Variants in HDAC4 observed in about 807,000 individuals in gnomAD.
HDAC4 encodes histone deacetylase A.
A neutral mutation model predicts 135.1 loss-of-function variants in HDAC4; 16 were observed. That is an observed-to-expected ratio of 0.12 (90% CI 0.08 to 0.18). The LOEUF (loss-of-function observed/expected upper bound fraction) is 0.18. HDAC4 is among the 10% of genes least tolerant of loss of function. The pLI is 1.00. For missense variants in HDAC4, 1,143 were observed against 1,511.8 expected (o/e 0.76, Z 4.05); for synonymous variants, 685 against 653.4 (o/e 1.05, Z -0.74).
intron 1 of HDAC4, among the ~76,000 whole-genome samples, chr2:239,372,084 G>A (rs1220021941): frequency 6.6e-6 from 1 of 152,200 alleles, no homozygotes; most frequent in African/African-American, 2.4e-5. Flanking sequence ...TCTCTCCAAC[G>A]AGGGCAGTAG....
chr2:239,319,790 G>GA (rs2053245437), intron 2 of HDAC4, among the ~76,000 whole-genome samples: 1 of 152,152 alleles, frequency 6.6e-6, no homozygotes, highest in African/African-American at 2.4e-5. Flanking sequence ...GCCTGAAAAA[G>GA]AACCCACGAA....
At position 239,307,914 on chromosome 2, in the gene HDAC4, C is replaced by G. The variant is rs1390850060; in HGVS notation, c.22+44764G>C. On this transcript the variant is annotated intron_variant, in intron 2 of 26. Transcript: ENST00000543185. This position sits in a 1 kb window ranked among gnomAD's most constrained non-coding sequence, Gnocchi z 4.8. ...ACGTTTTGCCACTATCTCAGAATTCCTGATCTCCACCTGAAAACGGAACAC... is the reference window on the plus strand; with the variant it reads ...ACGTTTTGCCACTATCTCAGAATTCGTGATCTCCACCTGAAAACGGAACAC... 1.3e-5 allele frequency among the ~76,000 whole-genome samples: 2 copies of G among 152,184 alleles called. No homozygotes were observed. The highest frequency in any genetic ancestry group is 4.8e-5 in the African/African-American group (2 of 41,432).
rs1205237053 is a variant in HDAC4, at chr2:239,352,837, C to T, written c.-138G>A. On this transcript the variant is annotated 5_prime_UTR_variant, in exon 2 of 27. Coordinates refer to ENST00000543185, the MANE Select transcript of HDAC4 (RefSeq NM_001378414.1). The surrounding 1 kb of genome is among the most constrained non-coding windows in gnomAD (Gnocchi z 4.4). Reference sequence around the variant, plus strand: ...GAGGGCTGGGTCACAGACGTTCAAGCGCCGAGCCTCGCCGGCAAGGTCTCA... The same window carrying T: ...GAGGGCTGGGTCACAGACGTTCAAGTGCCGAGCCTCGCCGGCAAGGTCTCA... 8 of 846,710 alleles carry T rather than the reference C, an allele frequency of 9.4e-6. No individual in the cohort carries two copies. The highest frequency in any genetic ancestry group is 5.8e-5 in the South Asian group (4 of 69,354). 52.4% of individuals were successfully genotyped at this position (846,710 alleles called of 1,614,324 possible).
intron 2 of HDAC4, among the ~76,000 whole-genome samples, chr2:239,268,307 C>T (rs2049864763): frequency 6.6e-6 from 1 of 152,168 alleles, no homozygotes; most frequent in Admixed American, 6.5e-5. Flanking sequence ...CCTAGGCAGG[C>T]CTGTCCTGGA....
At chr2:239,304,466 C>T (rs987765947) in intron 2 of HDAC4, among the ~76,000 whole-genome samples, 1 of 152,142 alleles carries the variant, frequency 6.6e-6, no homozygotes. Context: ...GAACTCAGAG[C>T]CCCCATGAGG....
At chr2:239,379,432 C>A (rs1163515622) in intron 1 of HDAC4, among the ~76,000 whole-genome samples, 1 of 152,186 alleles carries the variant, frequency 6.6e-6, no homozygotes, top group Non-Finnish European at 1.5e-5. Flanking sequence ...CCACTGCCCT[C>A]TTCTGCCTGT....
intron 2 of HDAC4, among the ~76,000 whole-genome samples, chr2:239,251,672 C>T (rs1313136430): frequency 6.6e-6 from 1 of 152,076 alleles, no homozygotes; most frequent in Non-Finnish European, 1.5e-5. Context: ...TTGAGATGCC[C>T]CAATCTACCT....
At chr2:239,254,057 G>A (rs2048927957) in intron 2 of HDAC4, among the ~76,000 whole-genome samples, 1 of 152,184 alleles carries the variant, frequency 6.6e-6, no homozygotes, top group Non-Finnish European at 1.5e-5. Context: ...CCCTAAACCT[G>A]GGTCCCTGTG....
chr2:239,112,377 C>T (rs2038756277), intron 13 of HDAC4, among the ~76,000 whole-genome samples: 1 of 152,236 alleles, frequency 6.6e-6, no homozygotes, highest in East Asian at 1.9e-4. Context: ...AAAGTGCCAA[C>T]TGGGCTTCAT....
intron 2 of HDAC4, among the ~76,000 whole-genome samples, chr2:239,327,851 T>G (rs1316700472): frequency 6.6e-6 from 1 of 152,232 alleles, no homozygotes; most frequent in African/African-American, 2.4e-5. Flanking sequence ...CACTGCTCCC[T>G]GCAAGCTAAC....
chr2:239,195,162 A>G (rs3791576), intron 3 of HDAC4, among the ~76,000 whole-genome samples: 2,359 of 152,242 alleles, frequency 0.015, 81 homozygotes, highest in East Asian at 0.13. Flanking sequence ...CACCTCCTGC[A>G]TTTTCACTCA....
At chr2:239,328,488 C>A (rs1282078657) in intron 2 of HDAC4, among the ~76,000 whole-genome samples, 2 of 152,210 alleles carry the variant, frequency 1.3e-5, no homozygotes, top group African/African-American at 2.4e-5. Flanking sequence ...GAATGTAACA[C>A]TGTGCAAGCC....
chr2:239,100,809 T>G (rs1261865456), intron 16 of HDAC4, among the ~76,000 whole-genome samples: 1 of 151,862 alleles, frequency 6.6e-6, no homozygotes, highest in Non-Finnish European at 1.5e-5. Context: ...TGGGGAGGGG[T>G]AGGGGCTTGG....
chr2:239,289,842 G>A (rs1206154794), intron 2 of HDAC4, among the ~76,000 whole-genome samples: 1 of 152,188 alleles, frequency 6.6e-6, no homozygotes, highest in Non-Finnish European at 1.5e-5. Context: ...ACACACTGGT[G>A]CACAAATCTG....
intron 2 of HDAC4, among the ~76,000 whole-genome samples, chr2:239,340,919 A>AAAC (rs754494222): frequency 9.9e-5 from 15 of 152,122 alleles, no homozygotes; most frequent in Non-Finnish European, 2.1e-4. Flanking sequence ...GTCACTCAGA[A>AAAC]AACTGGGCTC....
At chr2:239,346,757 CT>C (rs1349002498) in intron 2 of HDAC4, among the ~76,000 whole-genome samples, 1 of 149,066 alleles carries the variant, frequency 6.7e-6, no homozygotes, top group East Asian at 2.0e-4. Flanking sequence ...CACACACACC[CT>C]GTCTAAACAC....
At chr2:239,329,177 G>A (rs1382319374) in intron 2 of HDAC4, among the ~76,000 whole-genome samples, 1 of 144,966 alleles carries the variant, frequency 6.9e-6, no homozygotes, top group Non-Finnish European at 1.5e-5. Flanking sequence ...CCCACCAGCC[G>A]ATCCTGGGCT....
At chr2:239,328,953 C>A (rs1168491691) in intron 2 of HDAC4, among the ~76,000 whole-genome samples, 1 of 152,250 alleles carries the variant, frequency 6.6e-6, no homozygotes, top group African/African-American at 2.4e-5. Context: ...AGGAGGAATT[C>A]TTTTTAAGAA....
chr2:239,078,122 T>G (rs966785243), intron 22 of HDAC4, among the ~76,000 whole-genome samples: 1 of 152,192 alleles, frequency 6.6e-6, no homozygotes, highest in African/African-American at 2.4e-5. Flanking sequence ...GAGCACCATC[T>G]TCATCGTCAT....
Sources: gnomAD v4.1 joint callset for allele counts (sites outside exome capture counted in the v4.1 genomes callset) on GRCh38, gnomAD v4.1.1 for gene constraint, Gnocchi (gnomAD v3.1) non-coding constraint, MANE v1.5 for transcripts, NCBI Gene and HGNC (gene_info 2026-07-23, HGNC 2026-07-21) for gene names.